The following SUGCT variants were observed in gnomAD, a reference collection of about 807,000 sequenced individuals.
The protein encoded by SUGCT is succinyl-CoA:glutarate CoA-transferase.
SUGCT carries 41 observed loss-of-function variants against 55.0 expected under a neutral mutation model. That is an observed-to-expected ratio of 0.74 (90% CI 0.58 to 0.97). The LOEUF (loss-of-function observed/expected upper bound fraction) is 0.97, where lower values mean the gene tolerates loss of function less well. Among genes scored for constraint, SUGCT ranks in the 50% least tolerant of loss-of-function variants. The pLI is 0.00. For synonymous variants in SUGCT, 187 were observed against 200.4 expected (o/e 0.93, Z 0.56); for missense variants, 568 against 547.8 (o/e 1.04, Z -0.37).
intron 13 of SUGCT, among the ~76,000 whole-genome samples, chr7:40,764,282 A>G (rs562222763): frequency 6.6e-6 from 1 of 152,160 alleles, no homozygotes; most frequent in Non-Finnish European, 1.5e-5. Flanking sequence ...AGTAGAGAGA[A>G]TGTAGATTGA....
At chr7:40,367,283 G>A (rs1037791754) in intron 9 of SUGCT, among the ~76,000 whole-genome samples, 2 of 148,594 alleles carry the variant, frequency 1.3e-5, no homozygotes, top group Admixed American at 6.8e-5. Flanking sequence ...GGGGAGGGGG[G>A]GAGGAATAGC....
At chr7:40,592,498 T>C (rs1008187482) in intron 12 of SUGCT, among the ~76,000 whole-genome samples, 6 of 152,006 alleles carry the variant, frequency 3.9e-5, no homozygotes, top group Non-Finnish European at 8.8e-5. Flanking sequence ...ATGATGAAGG[T>C]GAATAAAGGA....
intron 1 of SUGCT, among the ~76,000 whole-genome samples, chr7:40,137,323 A>T (rs927750430): frequency 6.6e-6 from 1 of 151,626 alleles, no homozygotes; most frequent in African/African-American, 2.4e-5. Context: ...TTTTGTAGAG[A>T]CAGGGTCTTG....
intron 12 of SUGCT, among the ~76,000 whole-genome samples, chr7:40,703,974 A>G (rs1050802407): frequency 3.3e-5 from 5 of 152,238 alleles, no homozygotes; most frequent in Admixed American, 1.3e-4. Context: ...AGCTGACCTG[A>G]CCGGAGGAGA....
chr7:40,139,463 G>A (rs150109464), intron 1 of SUGCT, among the ~76,000 whole-genome samples: 1 of 152,188 alleles, frequency 6.6e-6, no homozygotes, highest in Non-Finnish European at 1.5e-5. Context: ...CTTCCAAAGT[G>A]CTGGGATTAC....
chr7:40,157,836 T>A (rs1783970128), intron 1 of SUGCT, among the ~76,000 whole-genome samples: 1 of 152,154 alleles, frequency 6.6e-6, no homozygotes, highest in Non-Finnish European at 1.5e-5. Flanking sequence ...TAAATAATGA[T>A]CTCATTGATA....
intron 12 of SUGCT, among the ~76,000 whole-genome samples, chr7:40,736,389 A>G: frequency 6.6e-6 from 1 of 150,664 alleles, no homozygotes; most frequent in East Asian, 1.9e-4. Flanking sequence ...GCTAGAGAAA[A>G]TAGGCAGAGG....
chr7:40,762,811 T>C (rs1159011748), intron 13 of SUGCT, among the ~76,000 whole-genome samples: 5 of 150,756 alleles, frequency 3.3e-5, no homozygotes, highest in Non-Finnish European at 5.9e-5. Context: ...AAAACAACTC[T>C]CTTTTTTTTT....
the SUGCT span, among the ~76,000 whole-genome samples, chr7:40,898,496 G>GGGGGGGGGT: frequency 3.9e-5 from 4 of 101,946 alleles, no homozygotes; most frequent in Non-Finnish European, 6.9e-5. Context: ...GGGGGGGGGG[G>GGGGGGGGGT]GTGGATCACG....
At chr7:40,576,675 T>A (rs1277575288) in intron 12 of SUGCT, among the ~76,000 whole-genome samples, 2 of 152,222 alleles carry the variant, frequency 1.3e-5, no homozygotes, top group Non-Finnish European at 2.9e-5. Context: ...GGCAACAGCT[T>A]GGCTGAGTTT....
intron 12 of SUGCT, among the ~76,000 whole-genome samples, chr7:40,559,108 A>T (rs1381754964): frequency 6.6e-6 from 1 of 152,222 alleles, no homozygotes; most frequent in Non-Finnish European, 1.5e-5. Context: ...GATACCATAA[A>T]GCAGTCTGAA....
At chr7:40,803,738 A>T (rs749654026) in intron 13 of SUGCT, among the ~76,000 whole-genome samples, 2 of 152,348 alleles carry the variant, frequency 1.3e-5, no homozygotes, top group East Asian at 3.9e-4. Context: ...AACCTAAAGA[A>T]ATCAAAATTT....
At chr7:40,402,048 G>A (rs944917847) in intron 9 of SUGCT, among the ~76,000 whole-genome samples, 2 of 151,882 alleles carry the variant, frequency 1.3e-5, no homozygotes, top group Non-Finnish European at 2.9e-5. Flanking sequence ...AACAATAATA[G>A]CCAATATTTA....
At chr7:40,886,247 T>C in the SUGCT span, among the ~76,000 whole-genome samples, 6 of 152,202 alleles carry the variant, frequency 3.9e-5, no homozygotes, top group African/African-American at 1.4e-4. Flanking sequence ...ACTGGGGCTA[T>C]TGATGGTACC....
chr7:40,498,875 C>T (rs1792126818), intron 12 of SUGCT: 1 of 350,598 alleles, frequency 2.9e-6, no homozygotes, highest in South Asian at 2.2e-5. Flanking sequence ...GTTAAGCTTG[C>T]ACTCTACTAT....
Position 40,787,660 on chromosome 7 carries a change from C to CAAAAAAAAAAAAAAAAA in SUGCT, c.1153+38171_1153+38187dup, listed in dbSNP as rs55764379. Among the ~76,000 whole-genome samples the CAAAAAAAAAAAAAAAAA allele has an allele frequency of 1.0e-4, 5 of 48,416 alleles. 2 individuals carry two copies. The highest frequency in any genetic ancestry group is 2.1e-4 in the Non-Finnish European group (5 of 24,228). 31.8% of individuals were successfully genotyped at this position (48,416 alleles called of 152,430 possible). A position where few individuals can be genotyped will look rare whatever the true frequency, so the allele number is the denominator to read the frequency against. Reference sequence around the variant, plus strand: ...AAACTGGTAACCAAGAAATTTTGACCAAAAAAAAAAAAAAAAAAAAAAAAG... The same window carrying CAAAAAAAAAAAAAAAAA: ...AAACTGGTAACCAAGAAATTTTGACCAAAAAAAAAAAAAAAAAAAAAAAAAAAAAAAAAAAAAAAAAG... On this transcript the variant is annotated intron_variant, in intron 13 of 13. Transcript: ENST00000335693.
Position 40,336,302 on chromosome 7 carries a change from G to T in SUGCT, c.816+19447G>T, listed in dbSNP as rs189197990. Reference sequence around the variant, plus strand: ...AGGACTCCTTCTTTTTCTGTTGTTTGGAATAGTTTCAGAAGGAATGGTACC... The same window carrying T: ...AGGACTCCTTCTTTTTCTGTTGTTTTGAATAGTTTCAGAAGGAATGGTACC... On this transcript the variant is annotated intron_variant, in intron 9 of 13. Coordinates refer to ENST00000335693, the MANE Select transcript of SUGCT (RefSeq NM_001193313.2). 1.2e-4 allele frequency among the ~76,000 whole-genome samples: 18 copies of T among 152,212 alleles called. No homozygotes were observed. The East Asian group carries it at 3.5e-3, about 29-fold the overall frequency.
intron 12 of SUGCT, among the ~76,000 whole-genome samples, chr7:40,596,070 C>T (rs1165241174): frequency 6.6e-6 from 1 of 151,940 alleles, no homozygotes; most frequent in Non-Finnish European, 1.5e-5. Flanking sequence ...TGTTTATAAG[C>T]TAAGTTTCTT....
At chr7:40,235,548 A>C (rs1236274029) in intron 6 of SUGCT, among the ~76,000 whole-genome samples, 1 of 152,298 alleles carries the variant, frequency 6.6e-6, no homozygotes, top group East Asian at 1.9e-4. Context: ...GCTGGTTTCA[A>C]ACTCCTGACC....
Sources: gnomAD v4.1 joint callset for allele counts (sites outside exome capture counted in the v4.1 genomes callset) on GRCh38, gnomAD v4.1.1 for gene constraint, MANE v1.5 for transcripts, NCBI Gene and HGNC (gene_info 2026-07-23, HGNC 2026-07-21) for gene names.